Variants in OR2L13 observed in about 807,000 individuals in gnomAD.
OR2L13 encodes the protein olfactory receptor family 2 subfamily L member 13.
Under a neutral mutation model 15.3 loss-of-function variants are expected in OR2L13, and 14 were observed. The ratio of observed to expected loss-of-function variants is 0.91; its 90% CI spans 0.60 to 1.43. The LOEUF (loss-of-function observed/expected upper bound fraction) is 1.43, where lower values mean the gene tolerates loss of function less well. Among genes scored for constraint, OR2L13 ranks in the 40% most tolerant of loss-of-function variants. The pLI is 0.00. For missense variants in OR2L13, 367 were observed against 387.9 expected, an observed-to-expected ratio of 0.95 and a Z score of 0.45; for synonymous variants, 152 against 142.9, an observed-to-expected ratio of 1.06 and a Z score of -0.45.
chr1:247,976,744 C>T, the OR2L13 span, among the ~76,000 whole-genome samples: 3 of 152,072 alleles, frequency 2.0e-5, no homozygotes, highest in African/African-American at 7.2e-5. Context: ...TGATTCTCTC[C>T]ACTGGCTAAT....
At chr1:248,058,293 AT>A in the OR2L13 span, among the ~76,000 whole-genome samples, 900 of 152,276 alleles carry the variant, frequency 5.9e-3, 17 homozygotes, top group African/African-American at 0.021. Flanking sequence ...CAATACATTC[AT>A]CTGATAATGC....
At chr1:247,990,769 T>A in the OR2L13 span, 9 of 1,602,148 alleles carry the variant, frequency 5.6e-6, no homozygotes, top group African/African-American at 8.0e-5. Flanking sequence ...TATCCCATAT[T>A]GCAAGTCCAG....
chr1:248,012,161 C>T, the OR2L13 span, among the ~76,000 whole-genome samples: 10,587 of 152,118 alleles, frequency 0.07, 425 homozygotes, highest in East Asian at 0.16. Flanking sequence ...GTGTGAAATA[C>T]TCCATTTCTA....
the OR2L13 span, among the ~76,000 whole-genome samples, chr1:248,017,518 A>G: frequency 0.031 from 4,795 of 152,304 alleles, 227 homozygotes; most frequent in African/African-American, 0.11. Context: ...GGTCTGGTAG[A>G]AAGAGACTTT....
At chr1:248,002,204 A>G in the OR2L13 span, among the ~76,000 whole-genome samples, 1 of 152,188 alleles carries the variant, frequency 6.6e-6, no homozygotes, top group Non-Finnish European at 1.5e-5. Context: ...TTAAAAATGT[A>G]TTTGGAAATC....
At chr1:247,983,492 G>A in the OR2L13 span, among the ~76,000 whole-genome samples, 2 of 152,030 alleles carry the variant, frequency 1.3e-5, no homozygotes, top group African/African-American at 4.8e-5. Flanking sequence ...GTTTTTAAAT[G>A]GGCTTAAAAT....
the OR2L13 span, among the ~76,000 whole-genome samples, chr1:247,950,212 A>G: frequency 6.6e-6 from 1 of 152,152 alleles, no homozygotes; most frequent in Admixed American, 6.5e-5. Context: ...ATTGAAAGCC[A>G]TAAGATGTTT....
the OR2L13 span, among the ~76,000 whole-genome samples, chr1:247,950,736 G>A: frequency 6.6e-6 from 1 of 152,024 alleles, no homozygotes; most frequent in African/African-American, 2.4e-5. Flanking sequence ...ATAGACTGGT[G>A]GTCACCAGAG....
chr1:248,026,608 G>A, the OR2L13 span, among the ~76,000 whole-genome samples: 739 of 152,252 alleles, frequency 4.9e-3, 3 homozygotes, highest in Admixed American at 7.9e-3. Flanking sequence ...TCAGGACCCC[G>A]AATGGAGGGA....
chr1:248,087,419 C>T, the OR2L13 span: 1 of 152,112 alleles, frequency 6.6e-6, no homozygotes, highest in African/African-American at 2.4e-5. Context: ...ATGCTGAATA[C>T]ATAATAAATA....
chr1:247,967,549 A>G, the OR2L13 span, among the ~76,000 whole-genome samples: 1 of 152,152 alleles, frequency 6.6e-6, no homozygotes, highest in African/African-American at 2.4e-5. Context: ...ATTAATACAA[A>G]ATTAATATAT....
chr1:247,942,883 C>T, the OR2L13 span, among the ~76,000 whole-genome samples: 1 of 152,112 alleles, frequency 6.6e-6, no homozygotes, highest in Non-Finnish European at 1.5e-5. Context: ...CTCCTTCTCT[C>T]CCTTCTCCCA....
chr1:248,082,499 A>T, the OR2L13 span, among the ~76,000 whole-genome samples: 50 of 149,190 alleles, frequency 3.4e-4, 1 homozygote, highest in South Asian at 8.8e-3. Flanking sequence ...AAAGTATAAT[A>T]AAAAAAAAGA....
At chr1:248,061,698 A>T in the OR2L13 span, 9 of 1,304,238 alleles carry the variant, frequency 6.9e-6, no homozygotes, top group Admixed American at 2.2e-4. Context: ...TATTATTTCA[A>T]TCCTAGAGTT....
At chr1:247,995,033 A>ATG in the OR2L13 span, among the ~76,000 whole-genome samples, 1 of 152,152 alleles carries the variant, frequency 6.6e-6, no homozygotes, top group Non-Finnish European at 1.5e-5. Context: ...CTGGAACTTT[A>ATG]TGTTCTCTTC....
chr1:247,990,393 T>C, the OR2L13 span: 1 of 1,585,426 alleles, frequency 6.3e-7, no homozygotes, highest in Non-Finnish European at 8.7e-7. Flanking sequence ...TGGAAACCTA[T>C]CCATGATTCT....
At chr1:248,020,918 T>C in the OR2L13 span, among the ~76,000 whole-genome samples, 3 of 151,530 alleles carry the variant, frequency 2.0e-5, no homozygotes, top group Non-Finnish European at 4.4e-5. Flanking sequence ...TGTATACATA[T>C]GTGACTTGGA....
chr1:248,033,054 A>G, the OR2L13 span, among the ~76,000 whole-genome samples: 1 of 152,222 alleles, frequency 6.6e-6, no homozygotes, highest in Admixed American at 6.5e-5. Flanking sequence ...TAACATTGAG[A>G]TGACTTTTTC....
At chr1:247,958,593 C>G in the OR2L13 span, among the ~76,000 whole-genome samples, 1 of 152,240 alleles carries the variant, frequency 6.6e-6, no homozygotes, top group South Asian at 2.1e-4. Flanking sequence ...CTTTGTAGGT[C>G]TCTACGGACT....
Sources: gnomAD v4.1 joint callset for allele counts (sites outside exome capture counted in the v4.1 genomes callset) on GRCh38, gnomAD v4.1.1 for gene constraint, MANE v1.5 for transcripts, NCBI Gene and HGNC (gene_info 2026-07-23, HGNC 2026-07-21) for gene names.